The following KIRREL3 variants were observed in gnomAD, a reference collection of about 807,000 sequenced individuals.
KIRREL3 encodes the protein kin of IRRE-like protein 3.
Under a neutral mutation model 89.7 loss-of-function variants are expected in KIRREL3, and 36 were observed. The ratio of observed to expected loss-of-function variants is 0.40; its 90% CI spans 0.31 to 0.53. KIRREL3 has a LOEUF of 0.53. KIRREL3 is among the 20% of genes least tolerant of loss of function. The probability of loss-of-function intolerance (pLI) is 0.49; values close to 1 mark genes in which losing one functional copy is unlikely to be tolerated. For missense variants in KIRREL3, 864 were observed against 1,056.6 expected, an observed-to-expected ratio of 0.82 and a Z score of 2.53; for synonymous variants, 445 against 441.4, an observed-to-expected ratio of 1.01 and a Z score of -0.10.
At position 126,561,607 on chromosome 11, in the gene KIRREL3, C is replaced by G. The variant is rs1940128280; in HGVS notation, c.133+1228G>C. On this transcript the variant is annotated intron_variant, in intron 2 of 16. Transcript: ENST00000525144. This position sits in a 1 kb window ranked among gnomAD's most constrained non-coding sequence, Gnocchi z 4.5. ...GAGAAAAGTCAGTAAAGGCAACTGA[C>G]TAGCAGGACACAGAAAATGCGGCCC... is the stretch of plus-strand genomic sequence containing the variant. 6.6e-6 allele frequency among the ~76,000 whole-genome samples: 1 copy of G among 152,204 alleles called. No homozygotes were observed.
rs1715485630 is a variant in KIRREL3, at chr11:126,771,476, A to C, written c.56-208564T>G. Among the ~76,000 whole-genome samples the C allele has an allele frequency of 1.3e-5, 2 of 152,138 alleles. No homozygotes were observed. The highest frequency in any genetic ancestry group is 4.2e-4 in the South Asian group (2 of 4,818). On this transcript the variant is annotated intron_variant, in intron 1 of 16. Coordinates refer to ENST00000525144, the MANE Select transcript of KIRREL3 (RefSeq NM_032531.4). This position sits in a 1 kb window ranked among gnomAD's most constrained non-coding sequence, Gnocchi z 4.4. ...TCCATTTATCTGATAATTTCTTTGC[A>C]TCTTTTTTGGCTTTGCTGTACAGAT...
rs1029035903 is a variant in KIRREL3, at chr11:126,764,482, G to A, written c.56-201570C>T. Among the ~76,000 whole-genome samples the A allele has an allele frequency of 2.2e-4, 33 of 152,282 alleles. No homozygotes were observed. The highest frequency in any genetic ancestry group is 6.5e-4 in the African/African-American group (27 of 41,550). On this transcript the variant is annotated intron_variant, in intron 1 of 16. Transcript: ENST00000525144. The surrounding 1 kb of genome is among the most constrained non-coding windows in gnomAD (Gnocchi z 4.2). ...GAAACACCGTTTCCAGAAGCAGTGA[G>A]GATCTTTCATCATATGCGCCTCTGA...
intron 1 of KIRREL3, among the ~76,000 whole-genome samples, chr11:126,847,919 A>G (rs1033938774): frequency 6.6e-6 from 1 of 152,212 alleles, no homozygotes; most frequent in East Asian, 1.9e-4. Flanking sequence ...ACAGGACACA[A>G]TTGGAGAAAC....
At chr11:126,920,863 G>A (rs1351273869) in intron 1 of KIRREL3, among the ~76,000 whole-genome samples, 1 of 152,190 alleles carries the variant, frequency 6.6e-6, no homozygotes, top group Non-Finnish European at 1.5e-5. Flanking sequence ...GATGCTGAGA[G>A]CTGCTAGACA....
rs539351658 is a variant in KIRREL3, at chr11:126,537,040, C to T, written c.134-10353G>A. Among the ~76,000 whole-genome samples, 50 of 152,292 alleles carry T rather than the reference C, an allele frequency of 3.3e-4. No individual in the cohort carries two copies. Among genetic ancestry groups the T allele is most frequent in the African/African-American group, 1.2e-3 (48 of 41,552 alleles). On this transcript the variant is annotated intron_variant, in intron 2 of 16. Coordinates refer to ENST00000525144, the MANE Select transcript of KIRREL3 (RefSeq NM_032531.4). The surrounding 1 kb of genome is among the most constrained non-coding windows in gnomAD (Gnocchi z 4.3). ...GGCTCAATCCCTGCCTCCCCTTTCTCCACTGGTTATTTGGCCTGGCCTTTG... is the reference window on the plus strand; with the variant it reads ...GGCTCAATCCCTGCCTCCCCTTTCTTCACTGGTTATTTGGCCTGGCCTTTG...
At chr11:126,661,576 G>A (rs1217755455) in intron 1 of KIRREL3, among the ~76,000 whole-genome samples, 2 of 152,132 alleles carry the variant, frequency 1.3e-5, no homozygotes, top group African/African-American at 4.8e-5. Flanking sequence ...AACTCCCTGG[G>A]CCCACCTCTA....
intron 1 of KIRREL3, among the ~76,000 whole-genome samples, chr11:126,616,901 C>T (rs1023141427): frequency 6.6e-6 from 1 of 152,336 alleles, no homozygotes. Context: ...CTTGGCCTCC[C>T]AAAGTGTTGG....
Position 126,561,015 on chromosome 11 carries a change from C to T in KIRREL3, c.133+1820G>A, listed in dbSNP as rs931924119. Among the ~76,000 whole-genome samples, 59 of 152,198 alleles carry T rather than the reference C, an allele frequency of 3.9e-4. No individual in the cohort carries two copies. The highest frequency in any genetic ancestry group is 1.3e-3 in the African/African-American group (54 of 41,522). On this transcript the variant is annotated intron_variant, in intron 2 of 16. Coordinates refer to ENST00000525144, the MANE Select transcript of KIRREL3 (RefSeq NM_032531.4). This position sits in a 1 kb window ranked among gnomAD's most constrained non-coding sequence, Gnocchi z 4.5. ...GATAATTATAAATATAAAACAGCTC[C>T]GCATGCTTTCTGATGCCTTTCTTAT...
At chr11:126,809,521 C>A (rs1170847035) in intron 1 of KIRREL3, among the ~76,000 whole-genome samples, 3 of 152,168 alleles carry the variant, frequency 2.0e-5, no homozygotes, top group African/African-American at 7.2e-5. Context: ...ATAGCAAATG[C>A]AAAGAAGGGA....
intron 1 of KIRREL3, among the ~76,000 whole-genome samples, chr11:126,822,425 A>G (rs1396844276): frequency 6.6e-6 from 1 of 152,224 alleles, no homozygotes; most frequent in Non-Finnish European, 1.5e-5. Context: ...ATGTAGGCAC[A>G]TATCACAAAT....
intron 2 of KIRREL3, among the ~76,000 whole-genome samples, chr11:126,543,131 C>CA (rs1938507365): frequency 6.6e-6 from 1 of 152,076 alleles, no homozygotes; most frequent in Non-Finnish European, 1.5e-5. Context: ...TGTCACCCCC[C>CA]AAACAGAGGC....
At position 126,628,811 on chromosome 11, in the gene KIRREL3, G is replaced by A. The variant is rs570345860; in HGVS notation, c.56-65899C>T. 6.6e-5 allele frequency among the ~76,000 whole-genome samples: 10 copies of A among 152,198 alleles called. No homozygotes were observed. Among genetic ancestry groups the A allele is most frequent in the East Asian group, 3.9e-4 (2 of 5,162 alleles). ...GGGCCTCGCCTCTACTGCCCCCTCCGCTCGCTCTGCCTGTGCAGGGTCCAT... is the reference window on the plus strand; with the variant it reads ...GGGCCTCGCCTCTACTGCCCCCTCCACTCGCTCTGCCTGTGCAGGGTCCAT... On this transcript the variant is annotated intron_variant, in intron 1 of 16. Transcript: ENST00000525144. The surrounding 1 kb of genome is among the most constrained non-coding windows in gnomAD (Gnocchi z 5.2).
Position 126,946,633 on chromosome 11 carries a change from C to T in KIRREL3, c.55+53822G>A, listed in dbSNP as rs918383694. Among the ~76,000 whole-genome samples, 1 of 152,066 alleles carries T rather than the reference C, an allele frequency of 6.6e-6. No homozygotes were observed. The highest frequency in any genetic ancestry group is 1.5e-5 in the Non-Finnish European group (1 of 68,020). ...AGCTCATAAAATATGTCCCAATATC[C>T]ATAACAGGAAGGACATTACTTCATA... On this transcript the variant is annotated intron_variant, in intron 1 of 16. Coordinates refer to ENST00000525144, the MANE Select transcript of KIRREL3 (RefSeq NM_032531.4). This position sits in a 1 kb window ranked among gnomAD's most constrained non-coding sequence, Gnocchi z 4.1.
At chr11:126,672,773 C>T (rs1946013959) in intron 1 of KIRREL3, among the ~76,000 whole-genome samples, 1 of 152,178 alleles carries the variant, frequency 6.6e-6, no homozygotes, top group African/African-American at 2.4e-5. Context: ...GTACGTGTTA[C>T]AGTGTCTCTT....
At chr11:126,514,077 G>C (rs1958321922) in intron 4 of KIRREL3, among the ~76,000 whole-genome samples, 1 of 152,194 alleles carries the variant, frequency 6.6e-6, no homozygotes, top group Non-Finnish European at 1.5e-5. Flanking sequence ...CATGGGGGTA[G>C]TCTGGGCTAC....
intron 1 of KIRREL3, among the ~76,000 whole-genome samples, chr11:126,980,608 T>C (rs958761353): frequency 1.3e-5 from 2 of 151,876 alleles, no homozygotes; most frequent in South Asian, 2.1e-4. Context: ...GAAGGAAAAA[T>C]GGAAAGGCAG....
rs375249651 is a variant in KIRREL3, at chr11:127,000,370, GCCTGCCCACGTT to G, written c.55+73_55+84del. Reference sequence around the variant, plus strand: ...GCATCCATCAGTCCGAGTTCCCGAAGCCTGCCCACGTTCCTGCCCACAGCCTCCCGCGCCCTG... The same window carrying G: ...GCATCCATCAGTCCGAGTTCCCGAAGCCTGCCCACAGCCTCCCGCGCCCTG... On this transcript the variant is annotated intron_variant, in intron 1 of 16. Coordinates refer to ENST00000525144, the MANE Select transcript of KIRREL3 (RefSeq NM_032531.4). This position sits in a 1 kb window ranked among gnomAD's most constrained non-coding sequence, Gnocchi z 7.1. The G allele has an allele frequency of 3.2e-5, 37 of 1,165,222 alleles. No individual in the cohort carries two copies. The African/African-American group carries it at 5.0e-4, about 16-fold the overall frequency. The allele number at this position is 1,165,222 out of a possible 1,614,324, so 72.2% of individuals were successfully genotyped here. A position where few individuals can be genotyped will look rare whatever the true frequency, so the allele number is the denominator to read the frequency against.
rs1957652089 is a variant in KIRREL3 at position 126,496,252 on chromosome 11, T to C, written c.434-22786A>G. 6.6e-6 allele frequency among the ~76,000 whole-genome samples: 1 copy of C among 152,216 alleles called. No homozygotes were observed. Among genetic ancestry groups the C allele is most frequent in the Non-Finnish European group, 1.5e-5 (1 of 68,032 alleles). On this transcript the variant is annotated intron_variant, in intron 4 of 16. Transcript: ENST00000525144. This position sits in a 1 kb window ranked among gnomAD's most constrained non-coding sequence, Gnocchi z 4.9. ...TCAAAGGTACTTTGTGCTCGGAACATTGAGAGGCACTGTGCTGTTTGCAAA... is the reference window on the plus strand; with the variant it reads ...TCAAAGGTACTTTGTGCTCGGAACACTGAGAGGCACTGTGCTGTTTGCAAA...
At chr11:126,552,552 T>TTTTG (rs1939356912) in intron 2 of KIRREL3, among the ~76,000 whole-genome samples, 1 of 60,350 alleles carries the variant, frequency 1.7e-5, no homozygotes, top group African/African-American at 1.4e-4. Context: ...AGAGAAAAGT[T>TTTTG]TTTTTTTTTT....
Sources: allele counts gnomAD v4.1 joint callset (sites outside exome capture counted in the v4.1 genomes callset), GRCh38; gene constraint gnomAD v4.1.1; non-coding constraint Gnocchi (gnomAD v3.1); transcripts MANE v1.5; gene names NCBI Gene and HGNC (gene_info 2026-07-23, HGNC 2026-07-21).